Variants in ZEB2 observed in about 807,000 individuals in gnomAD.
ZEB2 encodes zinc finger E-box-binding homeobox 2.
A neutral mutation model predicts 99.9 loss-of-function variants in ZEB2; 6 were observed. The ratio of observed to expected loss-of-function variants is 0.06; its 90% CI spans 0.03 to 0.12. The LOEUF (loss-of-function observed/expected upper bound fraction) is 0.12. Ranked by LOEUF, ZEB2 falls within the 10% of genes least tolerant of loss-of-function variation. The pLI is 1.00. For synonymous variants in ZEB2, 517 were observed against 542.5 expected (o/e 0.95, Z 0.65); for missense variants, 969 against 1,502.8 (o/e 0.64, Z 5.87).
chr2:144,474,698 T>C (rs1371592351), intron 2 of ZEB2, among the ~76,000 whole-genome samples: 1 of 152,182 alleles, frequency 6.6e-6, no homozygotes, highest in African/African-American at 2.4e-5. Flanking sequence ...GACTCTCTAT[T>C]AAAAAGAGAT....
intron 2 of ZEB2, among the ~76,000 whole-genome samples, chr2:144,501,875 C>T (rs557961612): frequency 2.0e-5 from 3 of 152,210 alleles, no homozygotes; most frequent in Non-Finnish European, 4.4e-5. Flanking sequence ...CACAGAGTGT[C>T]TTGCAATCTA....
chr2:144,454,452 A>C (rs945837865), intron 2 of ZEB2, among the ~76,000 whole-genome samples: 2 of 152,168 alleles, frequency 1.3e-5, no homozygotes, highest in African/African-American at 4.8e-5. Flanking sequence ...TTCCCATGCC[A>C]CGTTTTTTGT....
chr2:144,517,400 C>T lies in ZEB2; in HGVS notation c.-50G>A. On this transcript the variant is annotated 5_prime_UTR_variant, in exon 2 of 10. Coordinates refer to ENST00000627532, the MANE Select transcript of ZEB2 (RefSeq NM_014795.4). ...TTCGCATGGACTCGGCGCCCTGCTT[C>T]GGCAGCACGCAGGCTCGATCTAGCA... 4 of 1,602,466 alleles carry T rather than the reference C, an allele frequency of 2.5e-6. No homozygotes were observed. Among genetic ancestry groups the T allele is most frequent in the Middle Eastern group, 3.3e-4 (2 of 6,038 alleles).
chr2:144,397,897 T>A (rs979412037), intron 8 of ZEB2: 3 of 329,478 alleles, frequency 9.1e-6, no homozygotes, highest in Admixed American at 9.0e-5. Flanking sequence ...CTCGTTGGCC[T>A]CCCAAAGTGC....
In ZEB2 at chr2:144,405,016, C is replaced by A; in HGVS notation, c.412G>T (p.Ala138Ser). 1 of 1,613,792 alleles carries A rather than the reference C, an allele frequency of 6.2e-7. No homozygotes were observed. Among genetic ancestry groups the A allele is most frequent in the Non-Finnish European group, 8.5e-7 (1 of 1,180,022 alleles). The change falls in exon 5 of 10, where the codon GCA (alanine) becomes TCA (serine). Residue 138 changes from alanine to serine, a missense_variant. Physicochemically the swap from Ala to Ser is moderately conservative, Grantham distance 99. This residue lies in a region of ZEB2 where 173 missense variants were observed against 217.7 expected (regional missense o/e 0.79). Coordinates refer to ENST00000627532, the MANE Select transcript of ZEB2 (RefSeq NM_014795.4). Reference protein sequence around the residue: ...TAINNGTVKNANCTSDFEEYF... With the variant: ...TAINNGTVKNSNCTSDFEEYF... Reference sequence around the variant, plus strand: ...TCCTCAAAATCTGATGTGCAATTTGCATTCTTCACTGAAATCATAAAAGGA... The same window carrying A: ...TCCTCAAAATCTGATGTGCAATTTGAATTCTTCACTGAAATCATAAAAGGA...
At chr2:144,413,746 A>G (rs1703496827) in intron 4 of ZEB2, among the ~76,000 whole-genome samples, 1 of 152,192 alleles carries the variant, frequency 6.6e-6, no homozygotes, top group South Asian at 2.1e-4. Context: ...TATCTGATAA[A>G]CTGATTTTGT....
intron 2 of ZEB2, among the ~76,000 whole-genome samples, chr2:144,485,772 C>T (rs992909800): frequency 7.2e-5 from 11 of 152,108 alleles, no homozygotes; most frequent in Admixed American, 4.6e-4. Flanking sequence ...GCACTCGCCA[C>T]CACGCCCGGC....
intron 4 of ZEB2, 38 bp from the exon 5 acceptor site, chr2:144,405,062 C>A (rs534068851): frequency 5.6e-6 from 9 of 1,600,220 alleles, no homozygotes; most frequent in South Asian, 2.2e-5. Flanking sequence ...TGTTTCCGGG[C>A]CTTCTTCCTA....
intron 2 of ZEB2, chr2:144,495,963 T>G (rs916848112): frequency 2.0e-5 from 3 of 152,250 alleles, no homozygotes; most frequent in Non-Finnish European, 4.4e-5. Flanking sequence ...AGATTTGACA[T>G]GCTGTACAAA....
At chr2:144,450,493 T>C (rs1341138804) in intron 2 of ZEB2, 2 of 152,294 alleles carry the variant, frequency 1.3e-5, no homozygotes, top group African/African-American at 4.8e-5. Flanking sequence ...TGATTTAGAA[T>C]AATGCAAGAA....
intron 8 of ZEB2, chr2:144,398,069 TA>T (rs1703253564): frequency 2.2e-6 from 1 of 455,564 alleles, no homozygotes; most frequent in African/African-American, 2.0e-5. Context: ...CATCTCAAAA[TA>T]AATATTAATT....
At chr2:144,483,150 A>G (rs199762296) in intron 2 of ZEB2, among the ~76,000 whole-genome samples, 92 of 149,652 alleles carry the variant, frequency 6.1e-4, no homozygotes, top group Admixed American at 6.0e-3. Context: ...ACACACACAC[A>G]CACACACACA....
intron 2 of ZEB2, among the ~76,000 whole-genome samples, chr2:144,479,032 T>C (rs1334147120): frequency 2.0e-5 from 3 of 152,244 alleles, no homozygotes; most frequent in Admixed American, 6.5e-5. Context: ...GTAAAACATA[T>C]TAAAGATTAT....
chr2:144,491,014 T>C (rs1704670415), intron 2 of ZEB2, among the ~76,000 whole-genome samples: 2 of 152,350 alleles, frequency 1.3e-5, no homozygotes, highest in South Asian at 4.1e-4. Context: ...GTGTCAGTGA[T>C]CCGTGCGTTG....
At chr2:144,476,206 A>G (rs1704428545) in intron 2 of ZEB2, among the ~76,000 whole-genome samples, 1 of 151,492 alleles carries the variant, frequency 6.6e-6, no homozygotes, top group Non-Finnish European at 1.5e-5. Flanking sequence ...CATTTGCGCC[A>G]TTTGATTTCT....
At chr2:144,449,954 A>G (rs1158834132) in intron 2 of ZEB2, among the ~76,000 whole-genome samples, 1 of 152,212 alleles carries the variant, frequency 6.6e-6, no homozygotes, top group Non-Finnish European at 1.5e-5. Flanking sequence ...TGGGTGTTTC[A>G]GACATACAGC....
intron 4 of ZEB2, among the ~76,000 whole-genome samples, chr2:144,409,591 T>C (rs912485178): frequency 6.6e-6 from 1 of 152,148 alleles, no homozygotes; most frequent in Admixed American, 6.5e-5. Flanking sequence ...CCATACCTTC[T>C]CCAGAGATTT....
At chr2:144,469,894 T>C (rs1185246486) in intron 2 of ZEB2, among the ~76,000 whole-genome samples, 1 of 152,144 alleles carries the variant, frequency 6.6e-6, no homozygotes, top group Non-Finnish European at 1.5e-5. Flanking sequence ...AGGGTTACAG[T>C]GTGGAAATGA....
In ZEB2 at chr2:144,517,269, G is replaced by T; in HGVS notation, c.73+9C>A. Reference sequence around the variant, plus strand: ...GGCCCGGAAAAGTTTGGTTCGGGCTGCTTCTTACCGTTTTTCCTCCTGGGA... The same window carrying T: ...GGCCCGGAAAAGTTTGGTTCGGGCTTCTTCTTACCGTTTTTCCTCCTGGGA... On this transcript the variant is annotated intron_variant, in intron 2 of 9. Coordinates refer to ENST00000627532, the MANE Select transcript of ZEB2 (RefSeq NM_014795.4). 1.2e-6 allele frequency: 2 copies of T among 1,613,398 alleles called. No homozygotes were observed.
Sources: allele counts gnomAD v4.1 joint callset (sites outside exome capture counted in the v4.1 genomes callset), GRCh38; gene constraint gnomAD v4.1.1; regional missense constraint gnomAD v4.1.1; transcripts MANE v1.5; gene names NCBI Gene and HGNC (gene_info 2026-07-23, HGNC 2026-07-21).